The following TOMM70 variants were observed in gnomAD, a reference collection of about 807,000 sequenced individuals.
TOMM70 encodes translocase of outer mitochondrial membrane 70, also known as mitochondrial import receptor subunit TOM70.
TOMM70 carries 13 observed loss-of-function variants against 73.6 expected under a neutral mutation model. That is an observed-to-expected ratio of 0.18 (90% confidence interval 0.11 to 0.28). The LOEUF (loss-of-function observed/expected upper bound fraction) is 0.28, where lower values mean the gene tolerates loss of function less well. TOMM70 is among the 10% of genes least tolerant of loss of function. The pLI is 1.00. For synonymous variants in TOMM70, 257 were observed against 271.2 expected (o/e 0.95, Z 0.51); for missense variants, 609 against 747.5 (o/e 0.81, Z 2.16).
intron 4 of TOMM70, among the ~76,000 whole-genome samples, chr3:100,383,285 G>A (rs1053998554): frequency 6.6e-6 from 1 of 152,096 alleles, no homozygotes; most frequent in East Asian, 1.9e-4. Flanking sequence ...ACTTTGGGAG[G>A]CTGAGGAAGT....
intron 2 of TOMM70, among the ~76,000 whole-genome samples, chr3:100,386,567 T>C (rs749397101): frequency 2.0e-5 from 3 of 152,238 alleles, no homozygotes; most frequent in Non-Finnish European, 4.4e-5. Flanking sequence ...AGAAACTTTC[T>C]ATACTATCTA....
chr3:100,366,169 C>T (rs1267647956), intron 11 of TOMM70, among the ~76,000 whole-genome samples: 1 of 152,196 alleles, frequency 6.6e-6, no homozygotes, highest in Non-Finnish European at 1.5e-5. Context: ...CTTACCTTCA[C>T]AGACTGATGT....
chr3:100,373,684 TC>T, intron 7 of TOMM70, 39 bp from the exon 8 acceptor site: 1 of 1,469,366 alleles, frequency 6.8e-7, no homozygotes. Context: ...ATTCAACTAG[TC>T]CAGTTAAGTA....
chr3:100,368,135 C>T lies in TOMM70; in HGVS notation c.1582G>A (p.Asp528Asn), dbSNP rs1559829623. ...TTGCTGATAAGTTCCAAACCTCTATCCAGATCTTGCTTCCACTGAAGTTGA... is the reference window on the plus strand; with the variant it reads ...TTGCTGATAAGTTCCAAACCTCTATTCAGATCTTGCTTCCACTGAAGTTGA... ...LLQLQWKQDL[D>N]RGLELISKAI... The change falls in exon 11 of 12, where the codon GAT (aspartate) becomes AAT (asparagine). Residue 528 changes from aspartate (D) to asparagine (N), a missense_variant. By Grantham distance (23) the Asp-to-Asn change is conservative. This residue lies in a region of TOMM70 where 432 missense variants were observed against 584.1 expected (regional missense o/e 0.74). Transcript: ENST00000284320. The T allele has an allele frequency of 4.3e-6, 7 of 1,612,628 alleles. No individual in the cohort carries two copies. The highest frequency in any genetic ancestry group is 5.9e-6 in the Non-Finnish European group (7 of 1,179,672).
At chr3:100,379,405 C>A (rs571733714) in intron 5 of TOMM70, among the ~76,000 whole-genome samples, 2 of 152,262 alleles carry the variant, frequency 1.3e-5, no homozygotes, top group African/African-American at 4.8e-5. Context: ...GGGAGGATCA[C>A]CTGGGCCCAG....
rs781084451 is a variant in TOMM70, at chr3:100,375,129, T to C, written c.1116A>G (p.Lys372=). ...GCTGTTGCATGTACATGCTGCCTCT[T>C]TTGATGAGAGCATTTGCTCGAAGCT... is the stretch of plus-strand genomic sequence containing the variant. ...NVKLRANALI[K]RGSMYMQQQQ... is the part of the protein sequence containing the mutation. The change falls in exon 7 of 12, where the codon AAA becomes AAG. Residue 372 remains lysine (K), a synonymous_variant. Coordinates refer to ENST00000284320, the MANE Select transcript of TOMM70 (RefSeq NM_014820.5). 4.8e-5 allele frequency: 77 copies of C among 1,605,684 alleles called. No individual in the cohort carries two copies. The highest frequency in any genetic ancestry group is 6.3e-5 in the Non-Finnish European group (74 of 1,176,248).
intron 1 of TOMM70, among the ~76,000 whole-genome samples, chr3:100,394,350 C>T (rs1244976911): frequency 1.4e-5 from 2 of 146,922 alleles, no homozygotes; most frequent in African/African-American, 5.3e-5. Context: ...ACTTATTGAC[C>T]AACTGTTACT....
At chr3:100,373,788 T>A (rs1215948619) in intron 7 of TOMM70, 143 bp from the exon 8 acceptor site, 5 of 519,680 alleles carry the variant, frequency 9.6e-6, no homozygotes, top group Non-Finnish European at 3.2e-6. Flanking sequence ...AAACAGTGAT[T>A]TAAAAATCTT....
At chr3:100,398,854 G>A (rs1039648213) in intron 1 of TOMM70, among the ~76,000 whole-genome samples, 1 of 152,166 alleles carries the variant, frequency 6.6e-6, no homozygotes, top group African/African-American at 2.4e-5. Context: ...TTAGAAAATA[G>A]GTAATGCTTC....
chr3:100,375,090 C>G lies in TOMM70; in HGVS notation c.1155G>C (p.Leu385=). Residue 385 remains leucine (L), a synonymous_variant, in exon 7 of 12, where the codon CTG becomes CTC. Transcript: ENST00000284320. ...SMYMQQQQPL[L]STQDFNMAAD... is the part of the protein sequence containing the mutation. ...CAGCCATGTTAAAATCTTGAGTGGA[C>G]AGCAAAGGCTGCTGCTGTTGCATGT... 1 of 1,610,304 alleles carries G rather than the reference C, an allele frequency of 6.2e-7. No individual in the cohort carries two copies. The highest frequency in any genetic ancestry group is 8.5e-7 in the Non-Finnish European group (1 of 1,178,594).
rs1706579345 is a variant in TOMM70 at position 100,377,535 on chromosome 3, T to C, written c.1092+170A>G. 9.5e-6 allele frequency: 6 copies of C among 633,954 alleles called. No individual in the cohort carries two copies. The East Asian group carries it at 1.4e-4, about 15-fold the overall frequency. The allele number at this position is 633,954 out of a possible 1,614,324, so 39.3% of individuals were successfully genotyped here. On this transcript the variant is annotated intron_variant, in intron 6 of 11. Coordinates refer to ENST00000284320, the MANE Select transcript of TOMM70 (RefSeq NM_014820.5). ...TAAAGATAAATATCATTGATATTTATGTTTTCAGATTCACTGCACCAACTA... is the reference window on the plus strand; with the variant it reads ...TAAAGATAAATATCATTGATATTTACGTTTTCAGATTCACTGCACCAACTA...
Position 100,377,732 on chromosome 3 carries a change from G to C in TOMM70, c.1065C>G (p.Val355=), listed in dbSNP as rs1440727677. ...TCACATTAGCTTCTTTCAAACTGAT[G>C]ACTTTATCTAAATCTGGTTTGGCTG... ...ANAAKPDLDK[V]ISLKEANVKL... is the part of the protein sequence containing the mutation. The change falls in exon 6 of 12, where the codon GTC becomes GTG. Residue 355 remains valine, a synonymous_variant. Transcript: ENST00000284320. The C allele has an allele frequency of 6.2e-7, 1 of 1,613,324 alleles. No homozygotes were observed. The highest frequency in any genetic ancestry group is 8.5e-7 in the Non-Finnish European group (1 of 1,179,498).
intron 7 of TOMM70, among the ~76,000 whole-genome samples, chr3:100,374,174 T>TA (rs1706539262): frequency 6.6e-6 from 1 of 152,254 alleles, no homozygotes; most frequent in South Asian, 2.1e-4. Flanking sequence ...TATGTTTAGA[T>TA]ATGTTTTAGA....
intron 1 of TOMM70, 126 bp downstream of exon 1, chr3:100,400,499 TA>T: frequency 9.1e-7 from 1 of 1,098,434 alleles, no homozygotes; most frequent in Non-Finnish European, 1.3e-6. Flanking sequence ...TGAGTCTCCC[TA>T]AACCCAAGTG....
chr3:100,365,214 G>A lies in TOMM70; in HGVS notation c.*350C>T, dbSNP rs1706435359. The stretch of plus-strand genomic sequence containing the variant: ...TTACATTATTCACACATATATAGAC[G>A]GAATCATCCAGAACATAATCAACTG... On this transcript the variant is annotated 3_prime_UTR_variant, in exon 12 of 12. Transcript: ENST00000284320. 9.9e-6 allele frequency: 2 copies of A among 202,168 alleles called. No homozygotes were observed. Among genetic ancestry groups the A allele is most frequent in the African/African-American group, 2.3e-5 (1 of 43,768 alleles). 12.5% of individuals were successfully genotyped at this position (202,168 alleles called of 1,614,324 possible). A position where few individuals can be genotyped will look rare whatever the true frequency, so the allele number is the denominator to read the frequency against.
intron 8 of TOMM70, 99 bp downstream of exon 8, chr3:100,373,439 A>G: frequency 1.1e-6 from 1 of 947,980 alleles, no homozygotes; most frequent in Non-Finnish European, 1.6e-6. Context: ...TTGGGAAAGA[A>G]AGAAAAAGAC....
Position 100,381,780 on chromosome 3 carries a change from T to G in TOMM70, c.736-17A>C. 6.3e-7 allele frequency: 1 copy of G among 1,585,208 alleles called. No individual in the cohort carries two copies. Among genetic ancestry groups the G allele is most frequent in the Non-Finnish European group, 8.6e-7 (1 of 1,163,220 alleles). On this transcript the variant is annotated splice_polypyrimidine_tract_variant and intron_variant, in intron 4 of 11. Transcript: ENST00000284320. ...TTCACGATTCTGAAATTTAGTCATG[T>G]TTAAAGACATCAGGATGGGAAATAC... is the stretch of plus-strand genomic sequence containing the variant.
intron 11 of TOMM70, among the ~76,000 whole-genome samples, chr3:100,367,379 T>A (rs1706457043): frequency 6.6e-6 from 1 of 152,174 alleles, no homozygotes; most frequent in African/African-American, 2.4e-5. Context: ...AAACTCATGC[T>A]GCTTCCTGAC....
intron 1 of TOMM70, among the ~76,000 whole-genome samples, chr3:100,387,708 T>C (rs905016293): frequency 7.3e-5 from 11 of 151,198 alleles, no homozygotes; most frequent in African/African-American, 2.7e-4. Context: ...CAATCTTGGC[T>C]TGCTGCAACC....
Sources: gnomAD v4.1 joint callset for allele counts (sites outside exome capture counted in the v4.1 genomes callset) on GRCh38, gnomAD v4.1.1 for gene constraint, gnomAD v4.1.1 regional missense constraint, MANE v1.5 for transcripts, NCBI Gene and HGNC (gene_info 2026-07-23, HGNC 2026-07-21) for gene names.